CDK6: variants seen among roughly 807,000 people sequenced by gnomAD.
CDK6 encodes the protein cyclin dependent kinase 6, also known as cyclin-dependent kinase 6.
In CDK6, 6 loss-of-function variants were observed where a neutral mutation model predicts 37.1. That is an observed-to-expected ratio of 0.16 (90% confidence interval 0.09 to 0.32). The LOEUF is 0.32. Ranked by LOEUF, CDK6 falls within the 10% of genes least tolerant of loss-of-function variation. The pLI, the probability that CDK6 is intolerant of heterozygous loss-of-function variation, is 1.00. For missense variants in CDK6, 224 were observed against 418.9 expected, an observed-to-expected ratio of 0.53 and a Z score of 4.06; for synonymous variants, 160 against 161.3, an observed-to-expected ratio of 0.99 and a Z score of 0.06.
intron 3 of CDK6, among the ~76,000 whole-genome samples, chr7:92,764,403 T>C (rs1657213426): frequency 6.6e-6 from 1 of 152,166 alleles, no homozygotes; most frequent in Non-Finnish European, 1.5e-5. Flanking sequence ...TCCTAGAGTG[T>C]TGGGATAACA....
intron 2 of CDK6, among the ~76,000 whole-genome samples, chr7:92,811,396 C>T (rs1034510464): frequency 2.0e-5 from 3 of 152,202 alleles, no homozygotes; most frequent in African/African-American, 7.2e-5. Flanking sequence ...AATATTTACG[C>T]CCTCCTTACC....
chr7:92,816,190 C>A (rs1801025204), intron 2 of CDK6, among the ~76,000 whole-genome samples: 1 of 152,088 alleles, frequency 6.6e-6, no homozygotes, highest in South Asian at 2.1e-4. Flanking sequence ...GACATGCAGC[C>A]ATACAGAACA....
At chr7:92,737,522 C>T (rs993199915) in intron 3 of CDK6, among the ~76,000 whole-genome samples, 3 of 152,070 alleles carry the variant, frequency 2.0e-5, no homozygotes, top group South Asian at 2.1e-4. Context: ...TGAGATTTCC[C>T]GAAACTGTCC....
At chr7:92,618,737 G>T (rs1357023987) in intron 6 of CDK6, among the ~76,000 whole-genome samples, 1 of 152,138 alleles carries the variant, frequency 6.6e-6, no homozygotes, top group African/African-American at 2.4e-5. Context: ...ATTAGAATCA[G>T]AAGGAAAAAT....
chr7:92,709,116 C>T (rs182798954), intron 4 of CDK6, among the ~76,000 whole-genome samples: 46 of 152,276 alleles, frequency 3.0e-4, no homozygotes, highest in African/African-American at 1.1e-3. Flanking sequence ...CTTGCTCTCA[C>T]GTAGCCCCTC....
rs1190223553 is a variant in CDK6, at chr7:92,614,726, CACAT to C, written c.*410_*413del. 91 of 276,374 alleles carry C rather than the reference CACAT, an allele frequency of 3.3e-4. No homozygotes were observed. In the East Asian group the frequency reaches 4.0e-3, roughly 12 times the overall value. 17.1% of individuals were successfully genotyped at this position (276,374 alleles called of 1,614,324 possible). On this transcript the variant is annotated 3_prime_UTR_variant, in exon 8 of 8. Transcript: ENST00000424848. ...ACACACACACACACACACACACACACACATGCACACACACACTCAAAAGTACCAA... is the reference window on the plus strand; with the variant it reads ...ACACACACACACACACACACACACACGCACACACACACTCAAAAGTACCAA...
chr7:92,779,420 C>G (rs1393451718), intron 2 of CDK6, among the ~76,000 whole-genome samples: 4 of 152,146 alleles, frequency 2.6e-5, no homozygotes, highest in African/African-American at 9.7e-5. Flanking sequence ...AGAACATTTT[C>G]ACATAAATTT....
intron 4 of CDK6, among the ~76,000 whole-genome samples, chr7:92,674,074 C>T (rs1447882050): frequency 6.6e-6 from 1 of 151,326 alleles, no homozygotes; most frequent in East Asian, 1.9e-4. Flanking sequence ...GCCACTGCGC[C>T]TCCCCCTTTC....
rs757197852 is a variant in CDK6, at chr7:92,829,137, G to C, written c.233+3954C>G. Among the ~76,000 whole-genome samples the C allele has an allele frequency of 4.3e-4, 65 of 152,076 alleles. 1 individual carries two copies. Among genetic ancestry groups the C allele is most frequent in the Non-Finnish European group, 7.9e-4 (54 of 67,978 alleles). On this transcript the variant is annotated intron_variant, in intron 2 of 7. Transcript: ENST00000424848. ...ACCCTGTTAACAATTAGGTTTTCCA[G>C]AGAAAATCACATTTTTACTCACCTT...
chr7:92,659,692 G>A (rs528421935), intron 5 of CDK6, among the ~76,000 whole-genome samples: 1 of 151,984 alleles, frequency 6.6e-6, no homozygotes, highest in South Asian at 2.1e-4. Flanking sequence ...TATATCCAGG[G>A]GGATATCTTT....
chr7:92,679,441 G>A (rs999144522), intron 4 of CDK6, among the ~76,000 whole-genome samples: 2 of 152,180 alleles, frequency 1.3e-5, no homozygotes, highest in African/African-American at 4.8e-5. Context: ...CCAGTGTGGT[G>A]ATATTCTCCT....
intron 4 of CDK6, among the ~76,000 whole-genome samples, chr7:92,673,673 G>A (rs1377123936): frequency 6.6e-6 from 1 of 152,140 alleles, no homozygotes; most frequent in African/African-American, 2.4e-5. Context: ...AAATCCCCAT[G>A]GGGTTTTAGA....
At chr7:92,710,656 A>G in intron 4 of CDK6, 1 of 966,712 alleles carries the variant, frequency 1.0e-6, no homozygotes, top group Non-Finnish European at 1.2e-6. Flanking sequence ...AGCTTTGGTG[A>G]TTACCAGTAA....
At chr7:92,682,969 G>A (rs1267699599) in intron 4 of CDK6, among the ~76,000 whole-genome samples, 1 of 152,120 alleles carries the variant, frequency 6.6e-6, no homozygotes, top group Non-Finnish European at 1.5e-5. Context: ...CTTATTAAAC[G>A]TCTATTATGT....
At chr7:92,818,546 TTAGA>T (rs1215541420) in intron 2 of CDK6, among the ~76,000 whole-genome samples, 1 of 151,792 alleles carries the variant, frequency 6.6e-6, no homozygotes, top group Non-Finnish European at 1.5e-5. Context: ...CAAATATTTA[TTAGA>T]TAGGATACAA....
At position 92,646,344 on chromosome 7, in the gene CDK6, CCA is replaced by C. The variant is rs1404644797; in HGVS notation, c.648-23260_648-23259del. ...TCAGTCTTCAGGTTTTTGCTATCTT[CCA>C]CAGTGCCCAGAATGATTGTAAGCAC... On this transcript the variant is annotated intron_variant, in intron 5 of 7. Coordinates refer to ENST00000424848, the MANE Select transcript of CDK6 (RefSeq NM_001145306.2). Among the ~76,000 whole-genome samples, 3 of 152,168 alleles carry C rather than the reference CCA, an allele frequency of 2.0e-5. No homozygotes were observed. The East Asian group carries it at 5.8e-4, about 29-fold the overall frequency.
chr7:92,680,435 GAAA>G (rs778849907), intron 4 of CDK6, among the ~76,000 whole-genome samples: 502 of 27,724 alleles, frequency 0.018, no homozygotes, highest in African/African-American at 0.05. Flanking sequence ...TTCCATCTCA[GAAA>G]AAAAAAAAAA....
rs1186740480 is a variant in CDK6 at position 92,712,874 on chromosome 7, G to GTATT, written c.537+12751_537+12752insAATA. Among the ~76,000 whole-genome samples the GTATT allele has an allele frequency of 2.7e-3, 402 of 147,932 alleles. 1 individual carries two copies. The highest frequency in any genetic ancestry group is 9.8e-3 in the African/African-American group (382 of 39,090). On this transcript the variant is annotated intron_variant, in intron 4 of 7. Coordinates refer to ENST00000424848, the MANE Select transcript of CDK6 (RefSeq NM_001145306.2). ...TGTATGTATGTATGTATGTATGTAT[G>GTATT]TATGTATTTATTTATTTGAGATGGA...
intron 3 of CDK6, among the ~76,000 whole-genome samples, chr7:92,744,910 T>C (rs1018606272): frequency 2.0e-5 from 3 of 152,308 alleles, no homozygotes; most frequent in East Asian, 3.9e-4. Context: ...ATAGGCTTTA[T>C]GGTCCTAACT....
Sources: gnomAD v4.1 joint callset for allele counts (sites outside exome capture counted in the v4.1 genomes callset) on GRCh38, gnomAD v4.1.1 for gene constraint, MANE v1.5 for transcripts, NCBI Gene and HGNC (gene_info 2026-07-23, HGNC 2026-07-21) for gene names.